Variants in TENM2 observed in about 807,000 individuals in gnomAD.
TENM2 encodes teneurin-2.
TENM2 carries 52 observed loss-of-function variants against 245.2 expected under a neutral mutation model. The ratio of observed to expected loss-of-function variants is 0.21; its 90% CI spans 0.17 to 0.27. TENM2 has a LOEUF of 0.27. Ranked by LOEUF, TENM2 falls within the 10% of genes least tolerant of loss-of-function variation. The probability of loss-of-function intolerance (pLI) is 1.00; values close to 1 mark genes in which losing one functional copy is unlikely to be tolerated. For missense variants in TENM2, 3,046 were observed against 3,666.8 expected (o/e 0.83, Z 4.37); for synonymous variants, 1,363 against 1,438.9 (o/e 0.95, Z 1.19).
intron 2 of TENM2, among the ~76,000 whole-genome samples, chr5:167,427,707 C>T (rs1384928141): frequency 1.2e-4 from 2 of 16,404 alleles, no homozygotes; most frequent in East Asian, 3.4e-3. Context: ...AAGGAAGGGA[C>T]GGGAGGGAAG....
At chr5:167,734,715 A>G (rs1257322480) in intron 2 of TENM2, among the ~76,000 whole-genome samples, 2 of 152,042 alleles carry the variant, frequency 1.3e-5, no homozygotes, top group South Asian at 4.1e-4. Context: ...TCTATACTGC[A>G]CCCTTAAGAA....
intron 25 of TENM2, among the ~76,000 whole-genome samples, chr5:168,243,089 A>C (rs963230802): frequency 2.7e-4 from 41 of 152,232 alleles, no homozygotes; most frequent in African/African-American, 9.4e-4. Flanking sequence ...CCTTTCGCCT[A>C]TTTACATCAT....
the TENM2 span, among the ~76,000 whole-genome samples, chr5:167,130,312 G>T: frequency 6.6e-6 from 1 of 152,172 alleles, no homozygotes; most frequent in Non-Finnish European, 1.5e-5. Flanking sequence ...GATTTCCTGA[G>T]AGTCTCAGTT....
At chr5:167,026,181 C>A in the TENM2 span, among the ~76,000 whole-genome samples, 4 of 152,208 alleles carry the variant, frequency 2.6e-5, no homozygotes, top group Non-Finnish European at 5.9e-5. Flanking sequence ...CAAGCCAAAT[C>A]TGGCGCATAA....
At chr5:167,603,496 A>G (rs1178606711) in intron 2 of TENM2, among the ~76,000 whole-genome samples, 1 of 152,128 alleles carries the variant, frequency 6.6e-6, no homozygotes, top group Non-Finnish European at 1.5e-5. Flanking sequence ...CAGCCTGGGC[A>G]ACATAGTGAA....
At chr5:168,125,278 A>T (rs1581384250) in intron 11 of TENM2, among the ~76,000 whole-genome samples, 1 of 152,192 alleles carries the variant, frequency 6.6e-6, no homozygotes, top group Admixed American at 6.5e-5. Context: ...ATGCATGAGG[A>T]GCCCAGGAGG....
intron 12 of TENM2, among the ~76,000 whole-genome samples, chr5:168,136,837 T>C (rs186240269): frequency 1.7e-4 from 26 of 152,336 alleles, no homozygotes; most frequent in Admixed American, 1.0e-3. Flanking sequence ...TAAGCGGCTC[T>C]TAAAGAAAAT....
upstream of TENM2, among the ~76,000 whole-genome samples, chr5:167,282,212 G>A (rs746899827): frequency 2.4e-4 from 37 of 152,218 alleles, no homozygotes; most frequent in Non-Finnish European, 4.7e-4. Flanking sequence ...AAGCAAGAGA[G>A]AAGAAAATCA....
chr5:167,016,520 C>A, the TENM2 span, among the ~76,000 whole-genome samples: 1 of 152,134 alleles, frequency 6.6e-6, no homozygotes, highest in Non-Finnish European at 1.5e-5. Flanking sequence ...GCAAGTTTTT[C>A]TCCTGTCTTA....
rs185033417 is a variant in TENM2 at position 167,815,389 on chromosome 5, A to T, written c.503-60597A>T. The stretch of plus-strand genomic sequence containing the variant: ...AGTATCTTCCAGGCATGACATATTA[A>T]ATCTAACCCCCAGATGAGCTAAGTG... On this transcript the variant is annotated intron_variant, in intron 2 of 28. Transcript: ENST00000518659. 6.7e-3 allele frequency among the ~76,000 whole-genome samples: 1,013 copies of T among 152,250 alleles called. 7 individuals carry two copies. Among genetic ancestry groups the T allele is most frequent in the African/African-American group, 0.023 (953 of 41,562 alleles).
intron 2 of TENM2, among the ~76,000 whole-genome samples, chr5:167,702,379 G>A (rs1008450894): frequency 6.6e-6 from 1 of 151,786 alleles, no homozygotes; most frequent in Non-Finnish European, 1.5e-5. Context: ...GTGTGTCTAG[G>A]TGCTCTCTTT....
chr5:167,768,701 C>A (rs747879306), intron 2 of TENM2, among the ~76,000 whole-genome samples: 1 of 152,156 alleles, frequency 6.6e-6, no homozygotes, highest in Admixed American at 6.6e-5. Flanking sequence ...GTTCCCTGAG[C>A]CTCAGTGTCC....
rs66740766 is a variant in TENM2 at position 167,776,161 on chromosome 5, C to CCACACACACACACACACACACA, written c.503-99816_503-99795dup. 1.6e-3 allele frequency among the ~76,000 whole-genome samples: 215 copies of CCACACACACACACACACACACA among 133,122 alleles called. 3 individuals are homozygous for CCACACACACACACACACACACA. Among genetic ancestry groups the CCACACACACACACACACACACA allele is most frequent in the Middle Eastern group, 0.011 (3 of 268 alleles). The allele number at this position is 133,122 out of a possible 152,430, so 87.3% of individuals were successfully genotyped here. ...TGGTCCTGTGAAAGGAAAAAAAAAT[C>CCACACACACACACACACACACA]CACACACACACACACACACACACAC... On this transcript the variant is annotated intron_variant, in intron 2 of 28. Coordinates refer to ENST00000518659, the Ensembl canonical transcript of TENM2.
intron 1 of TENM2, among the ~76,000 whole-genome samples, chr5:167,316,637 C>A (rs1756380299): frequency 6.6e-6 from 1 of 152,094 alleles, no homozygotes; most frequent in Non-Finnish European, 1.5e-5. Context: ...CCACACATCC[C>A]CACACATGTT....
At chr5:167,220,266 A>T in the TENM2 span, among the ~76,000 whole-genome samples, 1 of 152,112 alleles carries the variant, frequency 6.6e-6, no homozygotes, top group African/African-American at 2.4e-5. Context: ...TCCATTAAGA[A>T]CTCAAGGTTT....
At chr5:167,113,812 A>G in the TENM2 span, among the ~76,000 whole-genome samples, 1 of 152,202 alleles carries the variant, frequency 6.6e-6, no homozygotes, top group African/African-American at 2.4e-5. Context: ...TTCACATCCA[A>G]AGATAACCAT....
At position 168,032,738 on chromosome 5, in the gene TENM2, C is replaced by CTCCCT. The variant is rs113259708; in HGVS notation, c.1187-14685_1187-14681dup. On this transcript the variant is annotated intron_variant, in intron 5 of 28. Coordinates refer to ENST00000518659, the Ensembl canonical transcript of TENM2. The stretch of plus-strand genomic sequence containing the variant: ...TGAGAAAAGGCAGGCAAGGGAGAGC[C>CTCCCT]TCCCTTCCAGCCTTTCCTCAGCCGC... Among the ~76,000 whole-genome samples, 515 of 152,290 alleles carry CTCCCT rather than the reference C, an allele frequency of 3.4e-3. 4 individuals are homozygous for CTCCCT. The highest frequency in any genetic ancestry group is 0.012 in the African/African-American group (484 of 41,552).
chr5:167,557,195 TG>T (rs1370286020), intron 2 of TENM2, among the ~76,000 whole-genome samples: 3 of 152,230 alleles, frequency 2.0e-5, no homozygotes, highest in African/African-American at 7.2e-5. Flanking sequence ...TATGCTTCTT[TG>T]TGAGTTTTTA....
chr5:167,674,312 T>C (rs1582716432), intron 2 of TENM2, among the ~76,000 whole-genome samples: 1 of 152,122 alleles, frequency 6.6e-6, no homozygotes, highest in East Asian at 1.9e-4. Flanking sequence ...AGTCATGCCA[T>C]CACCTTTGTT....
Sources: allele counts gnomAD v4.1 joint callset (sites outside exome capture counted in the v4.1 genomes callset), GRCh38; gene constraint gnomAD v4.1.1; transcripts MANE v1.5; gene names NCBI Gene and HGNC (gene_info 2026-07-23, HGNC 2026-07-21).